Variants in ANO4 observed in about 807,000 individuals in gnomAD.
The protein encoded by ANO4 is anoctamin-4.
ANO4 carries 69 observed loss-of-function variants against 141.9 expected under a neutral mutation model. The observed-to-expected ratio is 0.49, with a 90% confidence interval of 0.40 to 0.59. ANO4 has a LOEUF of 0.59. Ranked by LOEUF, ANO4 falls within the 20% of genes least tolerant of loss-of-function variation. ANO4 has a pLI of 0.00. For synonymous variants in ANO4, 350 were observed against 394.3 expected (o/e 0.89, Z 1.33); for missense variants, 894 against 1,162.2 (o/e 0.77, Z 3.36).
At chr12:101,078,185 A>G (rs371935218) in intron 14 of ANO4, among the ~76,000 whole-genome samples, 7 of 152,134 alleles carry the variant, frequency 4.6e-5, no homozygotes, top group African/African-American at 1.7e-4. Context: ...CATGAAATGG[A>G]TTCCTAATAT....
At chr12:100,864,754 T>C (rs2038666006) in intron 1 of ANO4, among the ~76,000 whole-genome samples, 1 of 152,180 alleles carries the variant, frequency 6.6e-6, no homozygotes. Context: ...GTTACATAGA[T>C]ATACATGCGC....
chr12:100,882,487 T>C (rs1289432163), intron 1 of ANO4, among the ~76,000 whole-genome samples: 2 of 152,080 alleles, frequency 1.3e-5, no homozygotes, highest in African/African-American at 4.8e-5. Flanking sequence ...AACACATAGT[T>C]GGTAGTAGTG....
At chr12:100,936,453 C>T (rs1368707738) in intron 3 of ANO4, among the ~76,000 whole-genome samples, 3 of 152,112 alleles carry the variant, frequency 2.0e-5, no homozygotes, top group Non-Finnish European at 4.4e-5. Context: ...AAAACTGGTC[C>T]CAGTTGAGAA....
At chr12:101,097,770 C>G in intron 20 of ANO4, 62 bp downstream of exon 20, 1 of 1,606,246 alleles carries the variant, frequency 6.2e-7, no homozygotes, top group Non-Finnish European at 8.5e-7. Flanking sequence ...CTTAGGGCAA[C>G]TTTGTGTAGA....
intron 23 of ANO4, among the ~76,000 whole-genome samples, chr12:101,110,762 G>A (rs553115593): frequency 6.6e-6 from 1 of 152,196 alleles, no homozygotes; most frequent in African/African-American, 2.4e-5. Context: ...TCCAGTGCTA[G>A]AGAATTTGTG....
intron 1 of ANO4, among the ~76,000 whole-genome samples, chr12:100,892,478 C>A (rs1295054250): frequency 6.6e-6 from 1 of 152,190 alleles, no homozygotes; most frequent in African/African-American, 2.4e-5. Context: ...ACTCTCCAGA[C>A]AAAATCAACG....
At chr12:100,883,016 C>T (rs1435994232) in intron 1 of ANO4, among the ~76,000 whole-genome samples, 1 of 152,106 alleles carries the variant, frequency 6.6e-6, no homozygotes, top group Non-Finnish European at 1.5e-5. Context: ...TCTGTTTATG[C>T]TCTTTGTTGA....
chr12:100,786,261 G>A (rs551023275), intron 3 of ANO4, among the ~76,000 whole-genome samples: 9 of 152,268 alleles, frequency 5.9e-5, no homozygotes, highest in South Asian at 2.1e-4. Flanking sequence ...TTCTTTAGGC[G>A]CTGATGGTTA....
At chr12:100,919,149 T>TA (rs147770384) in intron 2 of ANO4, among the ~76,000 whole-genome samples, 13,725 of 152,012 alleles carry the variant, frequency 0.09, 1,017 homozygotes, top group African/African-American at 0.2. Context: ...AGTCAAAAGT[T>TA]AAAAAAAATC....
intron 9 of ANO4, among the ~76,000 whole-genome samples, chr12:101,033,423 T>A (rs1486424012): frequency 6.6e-6 from 1 of 151,956 alleles, no homozygotes; most frequent in Non-Finnish European, 1.5e-5. Flanking sequence ...TATATGTAAC[T>A]GACCTGCACA....
At chr12:101,056,639 T>G (rs2048130844) in intron 14 of ANO4, among the ~76,000 whole-genome samples, 1 of 152,112 alleles carries the variant, frequency 6.6e-6, no homozygotes. Flanking sequence ...ACAAGTTATG[T>G]ACTAGACATC....
At chr12:100,988,609 A>C (rs142084301) in intron 8 of ANO4, among the ~76,000 whole-genome samples, 100 of 145,666 alleles carry the variant, frequency 6.9e-4, no homozygotes, top group African/African-American at 2.4e-3. Context: ...GCTGTGGCTC[A>C]CATCTGTAAT....
chr12:101,068,975 A>G lies in ANO4; in HGVS notation c.1313-10218A>G, dbSNP rs77954020. 3,831 of 786,804 alleles carry G rather than the reference A, an allele frequency of 4.9e-3. 107 individuals carry two copies. The African/African-American group carries it at 0.058, about 12-fold the overall frequency. 48.7% of individuals were successfully genotyped at this position (786,804 alleles called of 1,614,324 possible). On this transcript the variant is annotated intron_variant, in intron 14 of 27. Transcript: ENST00000392977. ...AGATGCACCAAAGCCCTCATTGACT[A>G]TGAAAAATCAAACAAAGCTCTGGAT...
chr12:100,847,615 G>C (rs1011897139), intron 1 of ANO4, among the ~76,000 whole-genome samples: 2 of 152,064 alleles, frequency 1.3e-5, no homozygotes, highest in African/African-American at 4.8e-5. Flanking sequence ...GGGACTACAG[G>C]TGCCCACCAC....
chr12:100,920,928 T>C (rs1180421854), intron 2 of ANO4, among the ~76,000 whole-genome samples: 1 of 152,158 alleles, frequency 6.6e-6, no homozygotes, highest in African/African-American at 2.4e-5. Flanking sequence ...CATTTAATCC[T>C]AGTGGCTGCT....
intron 1 of ANO4, among the ~76,000 whole-genome samples, chr12:100,861,022 A>G (rs1324416803): frequency 1.3e-5 from 2 of 152,218 alleles, no homozygotes. Context: ...AAGCTTCCAC[A>G]GCATGGAAGG....
intron 9 of ANO4, among the ~76,000 whole-genome samples, chr12:101,031,096 C>A (rs1197068558): frequency 6.6e-6 from 1 of 152,198 alleles, no homozygotes; most frequent in Non-Finnish European, 1.5e-5. Flanking sequence ...GAGGCCAGAT[C>A]ATCCTGATAC....
chr12:101,043,647 C>T lies in ANO4; in HGVS notation c.1251+12C>T. On this transcript the variant is annotated intron_variant, in intron 13 of 27. Coordinates refer to ENST00000392977, the MANE Select transcript of ANO4 (RefSeq NM_001286615.2). ...GTGTATATGCCAAGGTAATTTCAAA[C>T]TGTAGCATTTTAGATGAATTGAATT... 6.3e-7 allele frequency: 1 copy of T among 1,582,902 alleles called. No individual in the cohort carries two copies. Among genetic ancestry groups the T allele is most frequent in the Non-Finnish European group, 8.7e-7 (1 of 1,152,244 alleles).
chr12:100,795,721 G>A (rs1050411329), intron 1 of ANO4, among the ~76,000 whole-genome samples: 1 of 152,186 alleles, frequency 6.6e-6, no homozygotes, highest in Non-Finnish European at 1.5e-5. Context: ...GTGATGACAG[G>A]AACATTTTTG....
Sources: gnomAD v4.1 joint callset for allele counts (sites outside exome capture counted in the v4.1 genomes callset) on GRCh38, gnomAD v4.1.1 for gene constraint, MANE v1.5 for transcripts, NCBI Gene and HGNC (gene_info 2026-07-23, HGNC 2026-07-21) for gene names.